RCC1L: variants seen among roughly 807,000 people sequenced by gnomAD.
RCC1L encodes the protein RCC1 like.
Under a neutral mutation model 58.6 loss-of-function variants are expected in RCC1L, and 46 were observed. The observed-to-expected ratio is 0.79, with a 90% CI of 0.62 to 1.00. The LOEUF (loss-of-function observed/expected upper bound fraction) is 1.00, where lower values mean the gene tolerates loss of function less well. Ranked by LOEUF, RCC1L falls within the 50% of genes least tolerant of loss-of-function variation. The pLI, the probability that RCC1L is intolerant of heterozygous loss-of-function variation, is 0.00. For missense variants in RCC1L, 636 were observed against 623.6 expected, an observed-to-expected ratio of 1.02 and a Z score of -0.21; for synonymous variants, 281 against 262.9, an observed-to-expected ratio of 1.07 and a Z score of -0.67.
chr7:75,072,253 T>G (rs1806790326), intron 1 of RCC1L, among the ~76,000 whole-genome samples: 1 of 143,578 alleles, frequency 7.0e-6, no homozygotes, highest in African/African-American at 2.5e-5. Context: ...TCTCAAACTC[T>G]TGAACTCAAA....
exon 11 of RCC1L, chr7:75,027,354 G>C (rs1805165189): frequency 6.5e-6 from 1 of 152,830 alleles, no homozygotes; most frequent in Non-Finnish European, 1.5e-5. Context: ...TGATCCCGAG[G>C]GAGGAGTATT....
At chr7:75,053,505 C>A (rs2131989291) in intron 9 of RCC1L, among the ~76,000 whole-genome samples, 1 of 152,256 alleles carries the variant, frequency 6.6e-6, no homozygotes, top group South Asian at 2.1e-4. Context: ...TGACCAAGTG[C>A]CTGCTTGTGC....
rs1806320134 is a variant in RCC1L at position 75,062,859 on chromosome 7, C to T, written c.702+433G>A. ...TCATCCAGGCTGGAGTGCAGTGGTG[C>T]AATCTCTCAGCTCATTGCAGCCTCC... On this transcript the variant is annotated intron_variant, in intron 5 of 10. Transcript: ENST00000610322. Among the ~76,000 whole-genome samples, 6 of 152,106 alleles carry T rather than the reference C, an allele frequency of 3.9e-5. No homozygotes were observed. The South Asian group carries it at 1.2e-3, about 32-fold the overall frequency.
chr7:75,041,256 G>T (rs1805556220), downstream of RCC1L, among the ~76,000 whole-genome samples: 1 of 151,762 alleles, frequency 6.6e-6, no homozygotes, highest in African/African-American at 2.4e-5. Context: ...ATAAAGGGTA[G>T]CCCTCCCGAG....
At chr7:75,028,144 G>A in intron 10 of RCC1L, 1 of 1,364,774 alleles carries the variant, frequency 7.3e-7, no homozygotes, top group African/African-American at 1.5e-5. Flanking sequence ...TTGAGACGGA[G>A]TCTTGCTCTG....
chr7:75,068,908 C>T (rs1230916050), intron 2 of RCC1L, among the ~76,000 whole-genome samples: 3 of 151,864 alleles, frequency 2.0e-5, no homozygotes, highest in Non-Finnish European at 4.4e-5. Context: ...CTTGCCCTGT[C>T]GCCCAGGCTG....
downstream of RCC1L, among the ~76,000 whole-genome samples, chr7:75,037,689 C>T (rs1805458977): frequency 6.6e-6 from 1 of 151,292 alleles, no homozygotes; most frequent in Non-Finnish European, 1.5e-5. Context: ...AGTTTTAGTA[C>T]AGATGGGGTT....
chr7:75,050,699 G>A (rs1238634738), intron 10 of RCC1L, among the ~76,000 whole-genome samples: 2 of 152,162 alleles, frequency 1.3e-5, no homozygotes, highest in African/African-American at 2.4e-5. Flanking sequence ...CCCACTGCCC[G>A]ACTCTCTGTT....
chr7:75,061,411 C>G (rs1359212123), intron 5 of RCC1L, 120 bp from the exon 6 acceptor site: 1 of 798,430 alleles, frequency 1.3e-6, no homozygotes, highest in Non-Finnish European at 2.3e-6. Flanking sequence ...ATGGTCCAGG[C>G]AGACTGCTCC....
exon 11 of RCC1L, chr7:75,027,230 C>G (rs1426120506): frequency 6.6e-6 from 1 of 152,298 alleles, no homozygotes; most frequent in African/African-American, 2.4e-5. Context: ...GCTCAAAGAG[C>G]CTGTGACATG....
chr7:75,032,532 G>C (rs1004700485), intron 10 of RCC1L, among the ~76,000 whole-genome samples: 23 of 152,228 alleles, frequency 1.5e-4, no homozygotes, highest in African/African-American at 4.6e-4. Context: ...TCTCCTCTCT[G>C]AGATTTTCCA....
downstream of RCC1L, among the ~76,000 whole-genome samples, chr7:75,040,352 C>T (rs1035711934): frequency 0.046 from 6,991 of 152,244 alleles, 167 homozygotes; most frequent in South Asian, 0.072. Flanking sequence ...CCCGGCTACT[C>T]GGGAGGCTAA....
chr7:75,034,211 A>C (rs1446696344), intron 10 of RCC1L, among the ~76,000 whole-genome samples: 1 of 152,206 alleles, frequency 6.6e-6, no homozygotes, highest in Non-Finnish European at 1.5e-5. Flanking sequence ...ATTGGAGGAC[A>C]GCCGAGAAAG....
At chr7:75,067,303 A>G (rs1177900292) in intron 2 of RCC1L, among the ~76,000 whole-genome samples, 41 of 136,812 alleles carry the variant, frequency 3.0e-4, no homozygotes, top group African/African-American at 1.0e-3. Flanking sequence ...CTTCATCTGG[A>G]AAAAAAAAAA....
chr7:75,073,519 GC>G lies in RCC1L; in HGVS notation c.218del (p.Gly73AlafsTer117). 6.9e-7 allele frequency: 1 copy of G among 1,447,902 alleles called. No homozygotes were observed. Among genetic ancestry groups the G allele is most frequent in the Non-Finnish European group, 9.0e-7 (1 of 1,108,004 alleles). 89.7% of individuals were successfully genotyped at this position (1,447,902 alleles called of 1,614,324 possible). A position where few individuals can be genotyped will look rare whatever the true frequency, so the allele number is the denominator to read the frequency against. On this transcript the variant is annotated frameshift_variant, in exon 1 of 11. Coordinates refer to ENST00000610322, the MANE Select transcript of RCC1L (RefSeq NM_030798.5). LOFTEE classifies it high-confidence loss of function. ...AGCTGGGCACCACAAAGGAAGGCAC[GC>G]CCAGCGCCCCCGAGAAGCTGAAGCC... ...VWGFSFSGAL[G>X]VPSFVVPSSG...
Position 75,057,244 on chromosome 7 carries a change from A to G in RCC1L, c.1057+285T>C, listed in dbSNP as rs1037369286. 2.7e-3 allele frequency among the ~76,000 whole-genome samples: 405 copies of G among 152,224 alleles called. 1 individual carries two copies. The highest frequency in any genetic ancestry group is 4.8e-3 in the Non-Finnish European group (325 of 68,016). On this transcript the variant is annotated intron_variant, in intron 8 of 10. Coordinates refer to ENST00000610322, the MANE Select transcript of RCC1L (RefSeq NM_030798.5). ...TGCCTTGGCCTCCCAAAGTGCTGAG[A>G]TTACAGGTGTGAGCCACCACACCCA...
downstream of RCC1L, among the ~76,000 whole-genome samples, chr7:75,037,276 C>G (rs1805449877): frequency 6.6e-6 from 1 of 152,056 alleles, no homozygotes; most frequent in African/African-American, 2.4e-5. Context: ...ACTCTGCCTC[C>G]CTGGTTCAAG....
At chr7:75,062,831 C>T (rs1313374535) in intron 5 of RCC1L, among the ~76,000 whole-genome samples, 2 of 151,840 alleles carry the variant, frequency 1.3e-5, no homozygotes, top group Non-Finnish European at 2.9e-5. Flanking sequence ...GAGTCTTGCT[C>T]TGTCATCCAG....
chr7:75,061,697 C>T (rs1452405884), intron 5 of RCC1L, among the ~76,000 whole-genome samples: 2 of 152,146 alleles, frequency 1.3e-5, no homozygotes, highest in Admixed American at 6.6e-5. Flanking sequence ...CTCCTCTCTC[C>T]TCACTCCTCA....
Sources: gnomAD v4.1 joint callset for allele counts (sites outside exome capture counted in the v4.1 genomes callset) on GRCh38, gnomAD v4.1.1 for gene constraint, MANE v1.5 for transcripts, NCBI Gene and HGNC (gene_info 2026-07-23, HGNC 2026-07-21) for gene names.